Variants in CCSER2 observed in about 807,000 individuals in gnomAD.
CCSER2 encodes coiled-coil serine rich protein 2, also known as serine-rich coiled-coil domain-containing protein 2.
Under a neutral mutation model 92.3 loss-of-function variants are expected in CCSER2, and 46 were observed. The ratio of observed to expected loss-of-function variants is 0.50; its 90% CI spans 0.39 to 0.64. The LOEUF is 0.64. CCSER2 is among the 30% of genes least tolerant of loss of function. The pLI is 0.00. For missense variants in CCSER2, 1,244 were observed against 1,238.9 expected (o/e 1.00, Z -0.06); for synonymous variants, 433 against 431.4 (o/e 1.00, Z -0.04).
chr10:84,406,770 G>A (rs542284723), intron 3 of CCSER2, among the ~76,000 whole-genome samples: 3 of 152,060 alleles, frequency 2.0e-5, no homozygotes, highest in Admixed American at 6.6e-5. Context: ...CAACAAACAG[G>A]GAATAGAAAC....
At chr10:84,476,814 T>A (rs1434914106) in intron 8 of CCSER2, among the ~76,000 whole-genome samples, 1 of 152,176 alleles carries the variant, frequency 6.6e-6, no homozygotes, top group Non-Finnish European at 1.5e-5. Flanking sequence ...AGTTACTTTG[T>A]GTTATATAAA....
At chr10:84,494,332 A>T (rs1206817985) in intron 9 of CCSER2, among the ~76,000 whole-genome samples, 2 of 152,210 alleles carry the variant, frequency 1.3e-5, no homozygotes, top group Admixed American at 1.3e-4. Context: ...GGATGACCAG[A>T]GGTCACTTTC....
At chr10:84,445,134 GT>G (rs34194102) in intron 6 of CCSER2, among the ~76,000 whole-genome samples, 31,809 of 152,002 alleles carry the variant, frequency 0.21, 3,576 homozygotes, top group Admixed American at 0.34. Context: ...GAAAAAGATA[GT>G]TTTTTTGTGG....
intron 9 of CCSER2, among the ~76,000 whole-genome samples, chr10:84,483,110 C>A (rs945622098): frequency 2.9e-5 from 1 of 34,048 alleles, no homozygotes; most frequent in East Asian, 2.8e-3. Context: ...TGTCAACCAC[C>A]CTTTTTGTGC....
At chr10:84,511,964 G>A (rs1006663727) in intron 9 of CCSER2, among the ~76,000 whole-genome samples, 1 of 152,068 alleles carries the variant, frequency 6.6e-6, no homozygotes, top group Non-Finnish European at 1.5e-5. Flanking sequence ...TCTGCAATAC[G>A]ATTTGATGTG....
chr10:84,457,274 A>T (rs1589717670), intron 6 of CCSER2, among the ~76,000 whole-genome samples: 1 of 2,086 alleles, frequency 4.8e-4, no homozygotes, highest in Non-Finnish European at 1.2e-3. Context: ...ATTATATATA[A>T]TATATTATAT....
chr10:84,405,403 G>A (rs1013589635), intron 3 of CCSER2, among the ~76,000 whole-genome samples: 7 of 152,100 alleles, frequency 4.6e-5, no homozygotes, highest in African/African-American at 1.7e-4. Context: ...CTGGAGATTA[G>A]GTGAAAAGTT....
At chr10:84,481,392 A>G (rs1238279501) in intron 9 of CCSER2, among the ~76,000 whole-genome samples, 6 of 151,378 alleles carry the variant, frequency 4.0e-5, no homozygotes, top group Non-Finnish European at 8.8e-5. Context: ...TATATATTTT[A>G]TATATATTGA....
chr10:84,492,872 G>T (rs915622124), intron 9 of CCSER2, among the ~76,000 whole-genome samples: 3 of 152,000 alleles, frequency 2.0e-5, no homozygotes, highest in Admixed American at 1.3e-4. Context: ...TTTTGTTAAA[G>T]ATTTTTACAT....
At chr10:84,372,503 C>A in intron 2 of CCSER2, 34 bp downstream of exon 2, 1 of 1,217,332 alleles carries the variant, frequency 8.2e-7, no homozygotes, top group Non-Finnish European at 1.2e-6. Context: ...TTTTTGCTTT[C>A]TTTTAAATAA....
intron 4 of CCSER2, among the ~76,000 whole-genome samples, chr10:84,423,180 A>G (rs1046657178): frequency 6.6e-6 from 1 of 152,222 alleles, no homozygotes. Context: ...TTTCTAAGAA[A>G]CCATCAGCAG....
At position 84,437,291 on chromosome 10, in the gene CCSER2, G is replaced by A. The variant is rs186207524; in HGVS notation, c.1869-1221G>A. Among the ~76,000 whole-genome samples, 343 of 152,190 alleles carry A rather than the reference G, an allele frequency of 2.3e-3. 1 individual carries two copies. Among genetic ancestry groups the A allele is most frequent in the Non-Finnish European group, 3.6e-3 (248 of 67,990 alleles). On this transcript the variant is annotated intron_variant, in intron 5 of 9. Transcript: ENST00000372088. ...CCCAGAACTTTGGCAGGCCAAGGCG[G>A]GTGGATCACCTGAGGTCAGAAGTTC...
chr10:84,392,438 A>G (rs1422424218), intron 3 of CCSER2, among the ~76,000 whole-genome samples: 1 of 151,956 alleles, frequency 6.6e-6, no homozygotes. Flanking sequence ...GACAAGAAAG[A>G]GGAACAATTC....
At chr10:84,439,862 G>A (rs980740247) in intron 6 of CCSER2, among the ~76,000 whole-genome samples, 3 of 152,226 alleles carry the variant, frequency 2.0e-5, no homozygotes, top group Non-Finnish European at 2.9e-5. Flanking sequence ...TTGGTATATA[G>A]TGTTTTTCTG....
chr10:84,396,922 G>A lies in CCSER2; in HGVS notation c.1615-20849G>A, dbSNP rs74147555. ...TTTATTCAATTACTCTCCCAACAAT[G>A]GGCATCAAGATTGTTTCCAATATTT... On this transcript the variant is annotated intron_variant, in intron 3 of 9. Coordinates refer to ENST00000372088, the MANE Select transcript of CCSER2 (RefSeq NM_001284240.2). Among the ~76,000 whole-genome samples the A allele has an allele frequency of 5.7e-3, 874 of 152,278 alleles. 7 individuals carry two copies. The highest frequency in any genetic ancestry group is 0.018 in the African/African-American group (742 of 41,564).
At chr10:84,438,175 GAAC>G (rs1286435170) in intron 5 of CCSER2, among the ~76,000 whole-genome samples, 1 of 152,114 alleles carries the variant, frequency 6.6e-6, no homozygotes, top group African/African-American at 2.4e-5. Flanking sequence ...AAAAACTAAT[GAAC>G]AACAGTCAGT....
chr10:84,335,657 C>T (rs1843798156), intron 1 of CCSER2, among the ~76,000 whole-genome samples: 1 of 152,034 alleles, frequency 6.6e-6, no homozygotes, highest in Non-Finnish European at 1.5e-5. Flanking sequence ...TGACGAAGGC[C>T]CTAGTGAATA....
chr10:84,342,163 C>T (rs1049876670), intron 1 of CCSER2, among the ~76,000 whole-genome samples: 1 of 152,124 alleles, frequency 6.6e-6, no homozygotes, highest in Non-Finnish European at 1.5e-5. Flanking sequence ...TTAACTAGGG[C>T]TCCCCAGCTA....
At chr10:84,455,271 CT>C in intron 6 of CCSER2, 2 of 141,824 alleles carry the variant, frequency 1.4e-5, no homozygotes, top group Non-Finnish European at 1.4e-5. Flanking sequence ...TTTTCTTTTT[CT>C]TTTTCTTTTT....
Sources: gnomAD v4.1 joint callset for allele counts (sites outside exome capture counted in the v4.1 genomes callset) on GRCh38, gnomAD v4.1.1 for gene constraint, MANE v1.5 for transcripts, NCBI Gene and HGNC (gene_info 2026-07-23, HGNC 2026-07-21) for gene names.